Variants in SMURF2 observed in about 807,000 individuals in gnomAD.
The protein encoded by SMURF2 is E3 ubiquitin-protein ligase SMURF2.
A neutral mutation model predicts 109.6 loss-of-function variants in SMURF2; 48 were observed. The ratio of observed to expected loss-of-function variants is 0.44; its 90% CI spans 0.35 to 0.56. The LOEUF is 0.56. Among genes scored for constraint, SMURF2 ranks in the 20% least tolerant of loss-of-function variants. The pLI, the probability that SMURF2 is intolerant of heterozygous loss-of-function variation, is 0.01. For missense variants in SMURF2, 575 were observed against 909.0 expected (o/e 0.63, Z 4.72); for synonymous variants, 288 against 317.1 (o/e 0.91, Z 0.97).
intron 17 of SMURF2, among the ~76,000 whole-genome samples, 200 bp from the exon 18 acceptor site, chr17:64,546,538 C>T (rs1039105120): frequency 6.6e-5 from 10 of 152,080 alleles, no homozygotes; most frequent in Non-Finnish European, 1.3e-4. Flanking sequence ...GCTTAGATTC[C>T]GTAATAGGTT....
chr17:64,655,679 G>A (rs2144739084), intron 1 of SMURF2, among the ~76,000 whole-genome samples: 1 of 152,056 alleles, frequency 6.6e-6, no homozygotes, highest in African/African-American at 2.4e-5. Context: ...TTGAGGTCAG[G>A]AGTTCGAGAC....
chr17:64,617,064 C>CT (rs1297778908), intron 1 of SMURF2, among the ~76,000 whole-genome samples: 27 of 62,454 alleles, frequency 4.3e-4, no homozygotes, highest in African/African-American at 2.3e-3. Flanking sequence ...GAGACCTTGT[C>CT]TAAAAAAAAA....
At chr17:64,616,550 A>G (rs1308251340) in intron 1 of SMURF2, among the ~76,000 whole-genome samples, 1 of 151,500 alleles carries the variant, frequency 6.6e-6, no homozygotes, top group Non-Finnish European at 1.5e-5. Flanking sequence ...GCTACTCAGG[A>G]GGCTAAGGCA....
intron 1 of SMURF2, among the ~76,000 whole-genome samples, chr17:64,608,038 T>TC (rs1555689218): frequency 2.0e-5 from 3 of 150,578 alleles, no homozygotes; most frequent in African/African-American, 7.3e-5. Context: ...AATAAATAAA[T>TC]AAATAAATCT....
At chr17:64,565,878 C>A (rs953757515) in intron 10 of SMURF2, among the ~76,000 whole-genome samples, 14 of 151,366 alleles carry the variant, frequency 9.2e-5, no homozygotes, top group African/African-American at 3.2e-4. Context: ...AAAAAAAAAA[C>A]TGACTAAAAT....
chr17:64,545,061 C>A lies in SMURF2; in HGVS notation c.*787G>T, dbSNP rs1968926866. On this transcript the variant is annotated 3_prime_UTR_variant, in exon 19 of 19. Transcript: ENST00000262435. ...TAATCATATTGACTCAAGATAAAAA[C>A]ATTAGGTTTTTTTTTTTTTAAAAGA... is the stretch of plus-strand genomic sequence containing the variant. The A allele has an allele frequency of 6.6e-6, 1 of 151,498 alleles. No individual in the cohort carries two copies. Among genetic ancestry groups the A allele is most frequent in the Non-Finnish European group, 1.5e-5 (1 of 67,862 alleles). The allele number at this position is 151,498 out of a possible 1,614,324, so 9.4% of individuals were successfully genotyped here.
chr17:64,625,808 A>G (rs1297001287), intron 1 of SMURF2, among the ~76,000 whole-genome samples: 1 of 152,168 alleles, frequency 6.6e-6, no homozygotes, highest in Non-Finnish European at 1.5e-5. Flanking sequence ...CACGGCCTTA[A>G]ATAATGGCTC....
At chr17:64,615,460 C>G (rs968583878) in intron 1 of SMURF2, among the ~76,000 whole-genome samples, 1 of 152,136 alleles carries the variant, frequency 6.6e-6, no homozygotes, top group East Asian at 1.9e-4. Context: ...AGCAGGTGGC[C>G]CAGTGCTTCA....
chr17:64,592,186 T>C (rs1193193349), intron 4 of SMURF2, among the ~76,000 whole-genome samples: 2 of 152,240 alleles, frequency 1.3e-5, no homozygotes, highest in Non-Finnish European at 2.9e-5. Context: ...ACAGGATTCA[T>C]GCCTTTTTCT....
intron 1 of SMURF2, among the ~76,000 whole-genome samples, chr17:64,648,543 T>C (rs1169469302): frequency 6.6e-6 from 1 of 152,162 alleles, no homozygotes; most frequent in South Asian, 2.1e-4. Context: ...AGGTCAAGAC[T>C]GGAGGACTGT....
chr17:64,602,374 T>G (rs1297571888), intron 2 of SMURF2, among the ~76,000 whole-genome samples: 8 of 152,190 alleles, frequency 5.3e-5, no homozygotes, highest in African/African-American at 1.9e-4. Context: ...ATACAAAATG[T>G]GGCTTCCAGA....
chr17:64,615,754 T>C (rs1233757941), intron 1 of SMURF2, among the ~76,000 whole-genome samples: 1 of 152,122 alleles, frequency 6.6e-6, no homozygotes, highest in Non-Finnish European at 1.5e-5. Flanking sequence ...GTTAAGTAAA[T>C]GATAGCAAAC....
intron 11 of SMURF2, among the ~76,000 whole-genome samples, chr17:64,562,379 T>A (rs1969233690): frequency 6.7e-6 from 1 of 149,486 alleles, no homozygotes; most frequent in Non-Finnish European, 1.5e-5. Context: ...ATTTAACTTC[T>A]AATTTTTTTT....
chr17:64,623,507 T>C (rs894385141), intron 1 of SMURF2, among the ~76,000 whole-genome samples: 2 of 152,224 alleles, frequency 1.3e-5, no homozygotes, highest in African/African-American at 4.8e-5. Context: ...CACTGCATTG[T>C]TTTACAGTAA....
chr17:64,645,566 A>T (rs1278363430), intron 1 of SMURF2, among the ~76,000 whole-genome samples: 1 of 152,218 alleles, frequency 6.6e-6, no homozygotes, highest in Non-Finnish European at 1.5e-5. Context: ...TTGTCCCTAA[A>T]AAAATAATTA....
intron 1 of SMURF2, among the ~76,000 whole-genome samples, chr17:64,633,003 G>A (rs756613296): frequency 1.3e-5 from 2 of 152,296 alleles, no homozygotes; most frequent in Non-Finnish European, 2.9e-5. Flanking sequence ...GCATGTGGTG[G>A]CTCAAGTCTG....
At position 64,560,156 on chromosome 17, in the gene SMURF2, A is replaced by G. The variant is rs1418472749; in HGVS notation, c.1316+1344T>C. On this transcript the variant is annotated intron_variant, in intron 12 of 18. Coordinates refer to ENST00000262435, the MANE Select transcript of SMURF2 (RefSeq NM_022739.4). ...CTTGTACCTAGGAGTTCGAAGCTGC[A>G]GTGAGCCATGATCACACCACTGCAC... Among the ~76,000 whole-genome samples, 6 of 152,060 alleles carry G rather than the reference A, an allele frequency of 3.9e-5. No individual in the cohort carries two copies. In the East Asian group the frequency reaches 9.7e-4, roughly 25 times the overall value.
chr17:64,655,866 G>C (rs1392480315), intron 1 of SMURF2, among the ~76,000 whole-genome samples: 1 of 152,154 alleles, frequency 6.6e-6, no homozygotes, highest in Non-Finnish European at 1.5e-5. Context: ...CTGTACTCTA[G>C]CCTGAGTGAC....
chr17:64,619,581 A>G (rs1425014164), intron 1 of SMURF2, among the ~76,000 whole-genome samples: 2 of 152,062 alleles, frequency 1.3e-5, no homozygotes, highest in African/African-American at 4.8e-5. Context: ...AACAGCAAAC[A>G]TTTGTTTTTC....
Sources: gnomAD v4.1 joint callset for allele counts (sites outside exome capture counted in the v4.1 genomes callset) on GRCh38, gnomAD v4.1.1 for gene constraint, MANE v1.5 for transcripts, NCBI Gene and HGNC (gene_info 2026-07-23, HGNC 2026-07-21) for gene names.